Variants in TIPARP observed in about 807,000 individuals in gnomAD.
TIPARP encodes the protein protein mono-ADP-ribosyltransferase TIPARP.
TIPARP carries 12 observed loss-of-function variants against 56.5 expected under a neutral mutation model. The observed-to-expected ratio is 0.21, with a 90% CI of 0.14 to 0.34. The LOEUF (loss-of-function observed/expected upper bound fraction) is 0.34, where lower values mean the gene tolerates loss of function less well. Ranked by LOEUF, TIPARP falls within the 10% of genes least tolerant of loss-of-function variation. TIPARP has a pLI of 1.00. For missense variants in TIPARP, 604 were observed against 781.6 expected (o/e 0.77, Z 2.71); for synonymous variants, 296 against 265.7 (o/e 1.11, Z -1.11).
chr3:156,680,832 G>A (rs1722281338), intron 2 of TIPARP, among the ~76,000 whole-genome samples: 1 of 152,144 alleles, frequency 6.6e-6, no homozygotes, highest in African/African-American at 2.4e-5. Flanking sequence ...TTTTAATGAA[G>A]TAAACTAATG....
chr3:156,675,325 G>C (rs1722092496), intron 1 of TIPARP: 1 of 152,536 alleles, frequency 6.6e-6, no homozygotes, highest in African/African-American at 2.4e-5. Context: ...AGCGCTCGCC[G>C]CCTTTCCCCC....
Position 156,689,612 on chromosome 3 carries a change from C to T in TIPARP, c.918-4408C>T, listed in dbSNP as rs1483075223. ...TTTCCTACTGCCCATAGAATCAAGA[C>T]CTAACTTCTTAACACAGTAAACAAA... On this transcript the variant is annotated intron_variant, in intron 2 of 5. Transcript: ENST00000295924. Among the ~76,000 whole-genome samples the T allele has an allele frequency of 1.3e-5, 2 of 152,200 alleles. 1 individual carries two copies. Among genetic ancestry groups the T allele is most frequent in the Non-Finnish European group, 2.9e-5 (2 of 68,036 alleles).
chr3:156,702,588 C>A (rs1202274081), intron 4 of TIPARP, among the ~76,000 whole-genome samples: 1 of 152,168 alleles, frequency 6.6e-6, no homozygotes, highest in Non-Finnish European at 1.5e-5. Context: ...GCACCTGGCC[C>A]TGAACTAGGT....
At chr3:156,677,314 A>C (rs571014457) in intron 1 of TIPARP, among the ~76,000 whole-genome samples, 1 of 152,226 alleles carries the variant, frequency 6.6e-6, no homozygotes, top group Non-Finnish European at 1.5e-5. Flanking sequence ...TCATCTAGAT[A>C]CAGTTATTTC....
chr3:156,695,962 T>A lies in TIPARP; in HGVS notation c.1184T>A (p.Phe395Tyr). Residue 395 changes from phenylalanine (F) to tyrosine (Y), a missense_variant, in exon 4 of 6, where the codon TTC becomes TAC. Coordinates refer to ENST00000295924, the MANE Select transcript of TIPARP (RefSeq NM_015508.5). Reference sequence around the variant, plus strand: ...CACTACATCCTCCACAATTCATTCTTCAGGAGAGAGATAAAAAGGAGACCC... The same window carrying A: ...CACTACATCCTCCACAATTCATTCTACAGGAGAGAGATAAAAAGGAGACCC... ...NNHYILHNSF[F>Y]RREIKRRPLF... The A allele has an allele frequency of 6.2e-7, 1 of 1,613,000 alleles. No homozygotes were observed. Among genetic ancestry groups the A allele is most frequent in the South Asian group, 1.1e-5 (1 of 90,866 alleles).
chr3:156,678,660 A>G (rs749353393), intron 2 of TIPARP, 46 bp downstream of exon 2: 13 of 1,514,900 alleles, frequency 8.6e-6, no homozygotes, highest in Non-Finnish European at 9.8e-6. Context: ...AATGCTATAG[A>G]GAAGGTAAAG....
intron 2 of TIPARP, among the ~76,000 whole-genome samples, chr3:156,691,210 A>G (rs894245819): frequency 1.3e-5 from 2 of 152,190 alleles, no homozygotes; most frequent in Non-Finnish European, 2.9e-5. Context: ...ACTTACAGTG[A>G]TATTTCCTGT....
chr3:156,695,202 TTTTATTTATTTA>T (rs58864139), intron 3 of TIPARP, among the ~76,000 whole-genome samples: 1 of 146,990 alleles, frequency 6.8e-6, no homozygotes, highest in African/African-American at 2.5e-5. Context: ...CCTTTTCAAA[TTTTATTTATTTA>T]TTTATTTATT....
chr3:156,695,756 A>G (rs1722696279), intron 3 of TIPARP, 109 bp from the exon 4 acceptor site: 1 of 1,390,888 alleles, frequency 7.2e-7, no homozygotes, highest in Non-Finnish European at 9.4e-7. Flanking sequence ...ACTGTACTTT[A>G]TTGAAATTCC....
rs1722068801 is a variant in TIPARP at position 156,674,759 on chromosome 3, T to C, written c.-79T>C. 1 of 152,330 alleles carries C rather than the reference T, an allele frequency of 6.6e-6. No individual in the cohort carries two copies. The highest frequency in any genetic ancestry group is 1.5e-5 in the Non-Finnish European group (1 of 68,164). 9.4% of individuals were successfully genotyped at this position (152,330 alleles called of 1,614,324 possible). A position where few individuals can be genotyped will look rare whatever the true frequency, so the allele number is the denominator to read the frequency against. Reference sequence around the variant, plus strand: ...CTCCGGCGCGGGCACTGCTTTCCACTCGGCTCCTGTCGTCCGTTCTCTCAG... The same window carrying C: ...CTCCGGCGCGGGCACTGCTTTCCACCCGGCTCCTGTCGTCCGTTCTCTCAG... On this transcript the variant is annotated 5_prime_UTR_variant, in exon 1 of 6. Coordinates refer to ENST00000295924, the MANE Select transcript of TIPARP (RefSeq NM_015508.5).
chr3:156,675,231 G>A (rs1212175644), intron 1 of TIPARP: 5 of 152,252 alleles, frequency 3.3e-5, no homozygotes, highest in Admixed American at 3.3e-4. Context: ...CGCGTTTCGG[G>A]CTGCAGCCCA....
At chr3:156,702,061 TGG>T (rs1336962273) in intron 4 of TIPARP, among the ~76,000 whole-genome samples, 2 of 128,172 alleles carry the variant, frequency 1.6e-5, no homozygotes, top group East Asian at 2.5e-4. Flanking sequence ...GTGGTGGTGG[TGG>T]TGGTGGTGGT....
At chr3:156,699,644 G>A (rs538456529) in intron 4 of TIPARP, among the ~76,000 whole-genome samples, 2 of 152,162 alleles carry the variant, frequency 1.3e-5, no homozygotes, top group South Asian at 4.2e-4. Context: ...ACTTTATTGT[G>A]ATATTTGCTT....
intron 2 of TIPARP, among the ~76,000 whole-genome samples, chr3:156,679,589 GAGA>G (rs1312438949): frequency 2.4e-4 from 37 of 152,176 alleles, no homozygotes; most frequent in Non-Finnish European, 5.4e-4. Context: ...TTAAAAGGGA[GAGA>G]AGAACACTTC....
At chr3:156,675,183 G>GC (rs1204788883) in intron 1 of TIPARP, 1 of 152,046 alleles carries the variant, frequency 6.6e-6, no homozygotes, top group African/African-American at 2.4e-5. Flanking sequence ...GACCCCGGGG[G>GC]GGAGGGCACG....
chr3:156,677,871 A>G lies in TIPARP; in HGVS notation c.174A>G (p.Pro58=). ...CTGGAACCCTGAGGTCTTTGAGGCC[A>G]ATATTAAACACTCTTCTAGAATCTG... The part of the protein sequence containing the change: ...LGTGTLRSLR[P]ILNTLLESGS... Residue 58 remains proline, a synonymous_variant, in exon 2 of 6, where the codon CCA becomes CCG. Coordinates refer to ENST00000295924, the MANE Select transcript of TIPARP (RefSeq NM_015508.5). 2 of 1,614,168 alleles carry G rather than the reference A, an allele frequency of 1.2e-6. No individual in the cohort carries two copies. The highest frequency in any genetic ancestry group is 1.3e-5 in the African/African-American group (1 of 75,034).
At chr3:156,702,592 A>AC (rs1198109189) in intron 4 of TIPARP, among the ~76,000 whole-genome samples, 1 of 152,158 alleles carries the variant, frequency 6.6e-6, no homozygotes, top group East Asian at 1.9e-4. Context: ...CTGGCCCTGA[A>AC]CTAGGTCTCA....
chr3:156,686,362 T>C (rs769296292), intron 2 of TIPARP, among the ~76,000 whole-genome samples: 3 of 152,214 alleles, frequency 2.0e-5, no homozygotes, highest in Non-Finnish European at 4.4e-5. Context: ...GTTTGAAAGG[T>C]TTTGTTATAG....
intron 2 of TIPARP, among the ~76,000 whole-genome samples, chr3:156,691,030 C>T (rs926729634): frequency 6.6e-6 from 1 of 152,184 alleles, no homozygotes; most frequent in Non-Finnish European, 1.5e-5. Flanking sequence ...AAGTCTCTCA[C>T]ATTGCTTGTT....
Sources: allele counts gnomAD v4.1 joint callset (sites outside exome capture counted in the v4.1 genomes callset), GRCh38; gene constraint gnomAD v4.1.1; transcripts MANE v1.5; gene names NCBI Gene and HGNC (gene_info 2026-07-23, HGNC 2026-07-21).